The following NOL4 variants were observed in gnomAD, a reference collection of about 807,000 sequenced individuals.
The protein encoded by NOL4 is nucleolar protein 4, also known as cancer/testis antigen 125.
Under a neutral mutation model 75.9 loss-of-function variants are expected in NOL4, and 17 were observed. The observed-to-expected ratio is 0.22, with a 90% CI of 0.15 to 0.34. The LOEUF is 0.34. Among genes scored for constraint, NOL4 ranks in the 10% least tolerant of loss-of-function variants. The pLI is 1.00. For synonymous variants in NOL4, 292 were observed against 289.9 expected (o/e 1.01, Z -0.07); for missense variants, 614 against 793.5 (o/e 0.77, Z 2.72).
chr18:33,859,972 G>A (rs1236540667), intron 10 of NOL4, among the ~76,000 whole-genome samples: 1 of 152,154 alleles, frequency 6.6e-6, no homozygotes, highest in Non-Finnish European at 1.5e-5. Flanking sequence ...ATTTTAAAAA[G>A]GAAAGAGGTT....
At chr18:34,126,360 T>C (rs1417119690) in intron 2 of NOL4, among the ~76,000 whole-genome samples, 6 of 152,200 alleles carry the variant, frequency 3.9e-5, no homozygotes, top group Admixed American at 3.9e-4. Context: ...AGCTATAGCA[T>C]ATGTTCTCCA....
intron 5 of NOL4, among the ~76,000 whole-genome samples, chr18:34,046,777 A>G (rs1362858608): frequency 6.6e-6 from 1 of 151,372 alleles, no homozygotes; most frequent in Non-Finnish European, 1.5e-5. Flanking sequence ...TTTCTGAAAT[A>G]AAGTCATTGG....
In NOL4 at chr18:34,093,513, G is replaced by A. The variant is rs750916036; in HGVS notation, c.724C>T (p.Leu242Phe). The change falls in exon 5 of 11, where the codon CTT (leucine) becomes TTT (phenylalanine). Residue 242 changes from leucine (L) to phenylalanine (F), a missense_variant. Around this residue, in one of 9 missense-constraint regions of NOL4, gnomAD observed 135 missense variants for 220.4 expected, o/e 0.61. Coordinates refer to ENST00000261592, the MANE Select transcript of NOL4 (RefSeq NM_003787.5). The part of the protein sequence containing the change: ...SAVNSDLSSN[L>F]EERMQSPQNL... ...TGGGGACTTTGCATTCTTTCTTCAA[G>A]ATTGGAGCTAAGATCAGAGTTCACA... 6.2e-7 allele frequency: 1 copy of A among 1,607,712 alleles called. No homozygotes were observed. The highest frequency in any genetic ancestry group is 1.7e-5 in the Admixed American group (1 of 59,480).
chr18:34,096,908 C>T (rs1318146400), intron 4 of NOL4, among the ~76,000 whole-genome samples: 1 of 152,120 alleles, frequency 6.6e-6, no homozygotes, highest in Non-Finnish European at 1.5e-5. Context: ...GACCCCTAAT[C>T]TGCTCCATAT....
At chr18:34,035,667 C>G (rs1229462432) in intron 5 of NOL4, among the ~76,000 whole-genome samples, 1 of 150,716 alleles carries the variant, frequency 6.6e-6, no homozygotes, top group African/African-American at 2.4e-5. Flanking sequence ...TAGAGACTAA[C>G]AATACAAAAA....
intron 9 of NOL4, among the ~76,000 whole-genome samples, chr18:33,884,752 CA>C (rs993022890): frequency 1.3e-5 from 2 of 151,918 alleles, no homozygotes; most frequent in African/African-American, 4.8e-5. Context: ...AAGTAAATTT[CA>C]AATACATTTT....
intron 10 of NOL4, among the ~76,000 whole-genome samples, chr18:33,881,401 T>C (rs1239131728): frequency 1.3e-5 from 2 of 150,128 alleles, no homozygotes; most frequent in African/African-American, 2.5e-5. Flanking sequence ...TCCAACACTA[T>C]GTTGAATAGG....
At position 34,190,073 on chromosome 18, in the gene NOL4, TAC is replaced by T. The variant is rs35291144; in HGVS notation, c.264+32915_264+32916del. On this transcript the variant is annotated intron_variant, in intron 1 of 10. Coordinates refer to ENST00000261592, the MANE Select transcript of NOL4 (RefSeq NM_003787.5). Reference sequence around the variant, plus strand: ...TACTTATTTTATATCTACATATACATACACACACACACACGCATATATATGTA... The same window carrying T: ...TACTTATTTTATATCTACATATACATACACACACACACGCATATATATGTA... Among the ~76,000 whole-genome samples the T allele has an allele frequency of 3.2e-3, 479 of 149,448 alleles. 5 individuals are homozygous for T. The highest frequency in any genetic ancestry group is 0.011 in the African/African-American group (448 of 40,964).
intron 5 of NOL4, among the ~76,000 whole-genome samples, chr18:34,043,095 T>A (rs2076210477): frequency 6.6e-6 from 1 of 152,052 alleles, no homozygotes; most frequent in Admixed American, 6.6e-5. Context: ...CTGGTCCACA[T>A]CAAGGAAGGT....
chr18:34,173,276 A>G (rs2033219153), intron 1 of NOL4, among the ~76,000 whole-genome samples: 1 of 152,138 alleles, frequency 6.6e-6, no homozygotes, highest in Admixed American at 6.6e-5. Flanking sequence ...TCAAAAACAT[A>G]ATCTTTCAGT....
chr18:33,921,355 T>C (rs937350292), intron 9 of NOL4, among the ~76,000 whole-genome samples: 3 of 152,160 alleles, frequency 2.0e-5, no homozygotes, highest in Non-Finnish European at 4.4e-5. Context: ...TTTTTCAAGT[T>C]AGAAGGACAT....
At chr18:33,970,358 T>C (rs2070954122) in intron 6 of NOL4, among the ~76,000 whole-genome samples, 1 of 152,194 alleles carries the variant, frequency 6.6e-6, no homozygotes, top group Non-Finnish European at 1.5e-5. Context: ...ACTTTATTTT[T>C]ATCTTTCCCA....
Position 34,118,164 on chromosome 18 carries a change from A to C in NOL4, c.414+11707T>G, listed in dbSNP as rs118134716. ...CCTTTTGTTTTTAAAATGAATTTAG[A>C]GAATAGCAATAATGGCTTTATTTAA... is the stretch of plus-strand genomic sequence containing the variant. On this transcript the variant is annotated intron_variant, in intron 2 of 10. Transcript: ENST00000261592. Among the ~76,000 whole-genome samples, 64 of 152,332 alleles carry C rather than the reference A, an allele frequency of 4.2e-4. 1 individual carries two copies. The East Asian group carries it at 0.012, about 29-fold the overall frequency.
intron 9 of NOL4, among the ~76,000 whole-genome samples, chr18:33,933,688 G>A (rs2145442883): frequency 6.6e-6 from 1 of 152,240 alleles, no homozygotes; most frequent in East Asian, 1.9e-4. Context: ...TCGTGAGATT[G>A]CAGCAATTCA....
chr18:33,863,832 T>G (rs373714645), intron 10 of NOL4, among the ~76,000 whole-genome samples: 1 of 151,982 alleles, frequency 6.6e-6, no homozygotes, highest in African/African-American at 2.4e-5. Flanking sequence ...CTAATGGAGG[T>G]TCTCCATGAG....
At chr18:33,893,927 G>A (rs374092640) in intron 9 of NOL4, among the ~76,000 whole-genome samples, 1 of 152,028 alleles carries the variant, frequency 6.6e-6, no homozygotes, top group Non-Finnish European at 1.5e-5. Context: ...GATAATGAAG[G>A]CCTCAGTTTG....
At chr18:34,103,182 A>C (rs747939468) in intron 4 of NOL4, among the ~76,000 whole-genome samples, 7 of 152,100 alleles carry the variant, frequency 4.6e-5, no homozygotes, top group Non-Finnish European at 2.9e-5. Flanking sequence ...TGTTTTAGAG[A>C]AATTTCAAGA....
chr18:34,030,681 T>C (rs1191956799), intron 5 of NOL4, among the ~76,000 whole-genome samples: 1 of 152,074 alleles, frequency 6.6e-6, no homozygotes, highest in Non-Finnish European at 1.5e-5. Context: ...TAATAATATA[T>C]AGTTTCAAAT....
At chr18:34,112,274 C>T (rs2079626329) in intron 2 of NOL4, among the ~76,000 whole-genome samples, 1 of 151,712 alleles carries the variant, frequency 6.6e-6, no homozygotes, top group Non-Finnish European at 1.5e-5. Flanking sequence ...GAAGATGAGA[C>T]AGGAGAATCA....
Sources: gnomAD v4.1 joint callset for allele counts (sites outside exome capture counted in the v4.1 genomes callset) on GRCh38, gnomAD v4.1.1 for gene constraint, gnomAD v4.1.1 regional missense constraint, MANE v1.5 for transcripts, NCBI Gene and HGNC (gene_info 2026-07-23, HGNC 2026-07-21) for gene names.